Variants in CHN1 observed in about 807,000 individuals in gnomAD.
CHN1 encodes the protein chimerin 1.
Under a neutral mutation model 59.5 loss-of-function variants are expected in CHN1, and 37 were observed. That is an observed-to-expected ratio of 0.62 (90% CI 0.48 to 0.82). The LOEUF is 0.82. Among genes scored for constraint, CHN1 ranks in the 40% least tolerant of loss-of-function variants. CHN1 has a pLI of 0.00. For synonymous variants in CHN1, 206 were observed against 200.4 expected, an observed-to-expected ratio of 1.03 and a Z score of -0.24; for missense variants, 469 against 571.0, an observed-to-expected ratio of 0.82 and a Z score of 1.82.
intron 1 of CHN1, among the ~76,000 whole-genome samples, chr2:174,984,272 A>G (rs917446245): frequency 5.3e-5 from 8 of 151,486 alleles, no homozygotes; most frequent in Admixed American, 5.3e-4. Flanking sequence ...TCTCTGATCC[A>G]TGTTTCTCAA....
intron 1 of CHN1, among the ~76,000 whole-genome samples, chr2:174,953,533 C>T (rs996934246): frequency 2.6e-5 from 4 of 152,120 alleles, no homozygotes; most frequent in Admixed American, 2.6e-4. Context: ...ACCCTAAATA[C>T]TCATCCAAAA....
chr2:174,823,411 C>T (rs1311273806), intron 8 of CHN1, among the ~76,000 whole-genome samples: 2 of 152,192 alleles, frequency 1.3e-5, no homozygotes, highest in South Asian at 2.1e-4. Flanking sequence ...CGCCTGTAAT[C>T]CCAGCACTTT....
chr2:174,981,565 G>A lies in CHN1; in HGVS notation c.19+23329C>T, dbSNP rs535601167. ...GTCTGAGCTATTCAGCATCCCTCAT[G>A]ACGAATGCCTGAACATGTATCACAA... On this transcript the variant is annotated intron_variant, in intron 1 of 12. Transcript: ENST00000409900. Among the ~76,000 whole-genome samples the A allele has an allele frequency of 3.3e-5, 5 of 152,160 alleles. No homozygotes were observed. In the South Asian group the frequency reaches 1.0e-3, roughly 32 times the overall value.
At chr2:174,887,943 T>C (rs1413799039) in intron 5 of CHN1, among the ~76,000 whole-genome samples, 2 of 152,220 alleles carry the variant, frequency 1.3e-5, no homozygotes, top group African/African-American at 2.4e-5. Flanking sequence ...CAAGACTTCA[T>C]TTCTGCCCTG....
chr2:174,938,997 A>T (rs777401174), intron 3 of CHN1, among the ~76,000 whole-genome samples: 10 of 152,156 alleles, frequency 6.6e-5, no homozygotes, highest in Non-Finnish European at 1.5e-4. Flanking sequence ...TGATGAATAC[A>T]TTGCTCAATT....
intron 7 of CHN1, among the ~76,000 whole-genome samples, chr2:174,833,773 C>A (rs1685965411): frequency 6.8e-6 from 1 of 147,928 alleles, no homozygotes; most frequent in African/African-American, 2.5e-5. Flanking sequence ...TAGTTTTATT[C>A]TAAGGTCTAG....
chr2:174,981,440 C>T (rs1030605784), intron 1 of CHN1, among the ~76,000 whole-genome samples: 6 of 152,134 alleles, frequency 3.9e-5, no homozygotes, highest in South Asian at 2.1e-4. Flanking sequence ...GTAAAAGATG[C>T]TAACTTTTGA....
intron 1 of CHN1, among the ~76,000 whole-genome samples, chr2:174,982,028 T>C (rs887645745): frequency 6.6e-6 from 1 of 152,146 alleles, no homozygotes; most frequent in Non-Finnish European, 1.5e-5. Flanking sequence ...TTCCCACCTA[T>C]GAGTGAGAAC....
rs752988523 is a variant in CHN1 at position 174,918,607 on chromosome 2, A to C, written c.115-42T>G. On this transcript the variant is annotated intron_variant, in intron 3 of 12. Coordinates refer to ENST00000409900, the MANE Select transcript of CHN1 (RefSeq NM_001822.7). Reference sequence around the variant, plus strand: ...AAAACAGGCATATTTGTAAAAATGCAAATGTGCAGAACATAACTCAACATT... The same window carrying C: ...AAAACAGGCATATTTGTAAAAATGCCAATGTGCAGAACATAACTCAACATT... The C allele has an allele frequency of 4.0e-6, 6 of 1,497,598 alleles. No individual in the cohort carries two copies. In the African/African-American group the frequency reaches 8.3e-5, roughly 21 times the overall value. The allele number at this position is 1,497,598 out of a possible 1,614,324, so 92.8% of individuals were successfully genotyped here. A position where few individuals can be genotyped will look rare whatever the true frequency, so the allele number is the denominator to read the frequency against.
intron 3 of CHN1, among the ~76,000 whole-genome samples, chr2:174,918,885 A>G (rs1574163918): frequency 1.3e-5 from 2 of 152,274 alleles, no homozygotes; most frequent in South Asian, 4.1e-4. Context: ...TATAGCCACA[A>G]TTGTGACACA....
chr2:174,878,441 C>T (rs1574118442), intron 5 of CHN1, among the ~76,000 whole-genome samples: 1 of 152,120 alleles, frequency 6.6e-6, no homozygotes, highest in Admixed American at 6.5e-5. Context: ...AACCTCACAC[C>T]ACATTAAAAC....
chr2:174,904,773 A>G (rs1473079427), intron 5 of CHN1, among the ~76,000 whole-genome samples: 1 of 152,204 alleles, frequency 6.6e-6, no homozygotes, highest in African/African-American at 2.4e-5. Flanking sequence ...CTCTTCTGTA[A>G]AATGGGGGAA....
At chr2:174,879,622 T>C (rs908743381) in intron 5 of CHN1, among the ~76,000 whole-genome samples, 1 of 152,256 alleles carries the variant, frequency 6.6e-6, no homozygotes, top group African/African-American at 2.4e-5. Flanking sequence ...TTTAATATAC[T>C]GCTTTCATCA....
rs1462391046 is a variant in CHN1 at position 174,919,313 on chromosome 2, GTGAGGTACTTATTAAGC to G, written c.115-765_115-749del. On this transcript the variant is annotated intron_variant, in intron 3 of 12. Transcript: ENST00000409900. ...GAGTGGGTAACAAAAGGGAAGACTAGTGAGGTACTTATTAAGCTGAGGTACTTATTAAGCTGGGTGGT... is the reference window on the plus strand; with the variant it reads ...GAGTGGGTAACAAAAGGGAAGACTAGTGAGGTACTTATTAAGCTGGGTGGT... 5.9e-5 allele frequency among the ~76,000 whole-genome samples: 9 copies of G among 152,332 alleles called. No homozygotes were observed. In the South Asian group the frequency reaches 1.0e-3, roughly 18 times the overall value.
intron 11 of CHN1, among the ~76,000 whole-genome samples, chr2:174,803,043 G>A (rs1336927534): frequency 6.6e-6 from 1 of 151,792 alleles, no homozygotes; most frequent in Non-Finnish European, 1.5e-5. Context: ...CATCTTGGGG[G>A]GGAATTAAAA....
chr2:174,959,928 G>A (rs1044733275), intron 1 of CHN1, among the ~76,000 whole-genome samples: 7 of 152,300 alleles, frequency 4.6e-5, no homozygotes, highest in Admixed American at 2.0e-4. Context: ...GGCAGTTCAA[G>A]CAACTATTGC....
chr2:174,915,310 G>T (rs953723850), intron 4 of CHN1, 139 bp from the exon 5 acceptor site: 4 of 685,470 alleles, frequency 5.8e-6, no homozygotes, highest in Non-Finnish European at 1.0e-5. Context: ...GAAGCACTTG[G>T]GTTTAACTAT....
At chr2:174,997,567 G>GA (rs1034099282) in intron 1 of CHN1, among the ~76,000 whole-genome samples, 3 of 151,988 alleles carry the variant, frequency 2.0e-5, no homozygotes, top group South Asian at 2.1e-4. Context: ...AGGTCTGCAG[G>GA]AAAAAATATT....
intron 1 of CHN1, among the ~76,000 whole-genome samples, chr2:174,982,787 T>G (rs1175127628): frequency 6.6e-6 from 1 of 152,200 alleles, no homozygotes; most frequent in Non-Finnish European, 1.5e-5. Context: ...TTCAGCAGTT[T>G]AAAATAAACA....
Sources: allele counts gnomAD v4.1 joint callset (sites outside exome capture counted in the v4.1 genomes callset), GRCh38; gene constraint gnomAD v4.1.1; transcripts MANE v1.5; gene names NCBI Gene and HGNC (gene_info 2026-07-23, HGNC 2026-07-21).